The following PPP2R2C variants were observed in gnomAD, a reference collection of about 807,000 sequenced individuals.
PPP2R2C encodes the protein protein phosphatase 2 regulatory subunit Bgamma, also known as protein phosphatase 2, regulatory subunit B, gamma.
Under a neutral mutation model 45.3 loss-of-function variants are expected in PPP2R2C, and 10 were observed. The observed-to-expected ratio is 0.22, with a 90% confidence interval of 0.14 to 0.37. The LOEUF is 0.37. PPP2R2C is among the 10% of genes least tolerant of loss of function. PPP2R2C has a pLI of 1.00. For synonymous variants in PPP2R2C, 257 were observed against 245.4 expected (o/e 1.05, Z -0.44); for missense variants, 308 against 619.7 (o/e 0.50, Z 5.34).
chr4:6,552,369 C>A (rs1725212277), intron 1 of PPP2R2C, among the ~76,000 whole-genome samples: 1 of 152,166 alleles, frequency 6.6e-6, no homozygotes, highest in South Asian at 2.1e-4. Flanking sequence ...CTGGAGGCCC[C>A]AGGGGAGGAT....
chr4:6,344,318 C>G (rs978141569), intron 6 of PPP2R2C, among the ~76,000 whole-genome samples: 1 of 152,206 alleles, frequency 6.6e-6, no homozygotes, highest in East Asian at 1.9e-4. Context: ...TCATATTTCT[C>G]GCACTGTTGA....
intron 1 of PPP2R2C, among the ~76,000 whole-genome samples, chr4:6,387,319 T>A (rs1716279859): frequency 6.6e-6 from 1 of 152,102 alleles, no homozygotes; most frequent in Admixed American, 6.6e-5. Context: ...AACTGCAAAC[T>A]ACTGGAAACT....
chr4:6,398,557 G>C (rs1249577727), intron 1 of PPP2R2C, among the ~76,000 whole-genome samples: 1 of 152,156 alleles, frequency 6.6e-6, no homozygotes, highest in Non-Finnish European at 1.5e-5. Context: ...CGAGATACCA[G>C]TGTACACCCA....
chr4:6,338,202 T>A (rs1461534363), intron 6 of PPP2R2C, among the ~76,000 whole-genome samples: 1 of 152,160 alleles, frequency 6.6e-6, no homozygotes, highest in Non-Finnish European at 1.5e-5. Flanking sequence ...ATGGGCCCAG[T>A]CCCATCTCCA....
chr4:6,385,321 TTTATAGGTAAATGTC>T (rs1177695698), intron 1 of PPP2R2C, among the ~76,000 whole-genome samples: 1 of 152,212 alleles, frequency 6.6e-6, no homozygotes, highest in Non-Finnish European at 1.5e-5. Context: ...TCTACTCATT[TTTATAGGTAAATGTC>T]TTCAGGATTT....
chr4:6,385,259 T>A (rs1205077885), intron 1 of PPP2R2C, among the ~76,000 whole-genome samples: 1 of 152,184 alleles, frequency 6.6e-6, no homozygotes, highest in East Asian at 1.9e-4. Flanking sequence ...GATCCCCTCT[T>A]GCCTGAGCAC....
chr4:6,412,637 G>A (rs1274201852), intron 1 of PPP2R2C, among the ~76,000 whole-genome samples: 1 of 152,210 alleles, frequency 6.6e-6, no homozygotes, highest in Non-Finnish European at 1.5e-5. Flanking sequence ...CTTCTCTTAT[G>A]AATCCGGCAG....
intron 1 of PPP2R2C, among the ~76,000 whole-genome samples, chr4:6,420,375 G>A (rs990940253): frequency 3.3e-5 from 5 of 151,162 alleles, no homozygotes; most frequent in Admixed American, 6.6e-5. Flanking sequence ...CACCTGTCCC[G>A]TTCTATCAAC....
At chr4:6,381,160 A>G in intron 1 of PPP2R2C, 66 bp from the exon 2 acceptor site, 2 of 1,552,386 alleles carry the variant, frequency 1.3e-6, no homozygotes, top group South Asian at 1.2e-5. Context: ...GGTGCTCAAC[A>G]GTGCCACAGC....
intron 6 of PPP2R2C, among the ~76,000 whole-genome samples, chr4:6,334,255 T>C (rs1732654942): frequency 6.6e-6 from 1 of 152,142 alleles, no homozygotes; most frequent in South Asian, 2.1e-4. Context: ...TGGGTTTTGT[T>C]TCATTGCCAT....
chr4:6,460,768 A>G (rs1377922421), intron 1 of PPP2R2C, among the ~76,000 whole-genome samples: 4 of 152,132 alleles, frequency 2.6e-5, no homozygotes, highest in Non-Finnish European at 5.9e-5. Context: ...CTATGACTAC[A>G]TATGTTTTTT....
rs762909236 is a variant in PPP2R2C at position 6,381,008 on chromosome 4, G to T, written c.157C>A (p.Arg53=). Reference sequence around the variant, plus strand: ...CCAGGGCTTCGCACCTCTGGTTCCCGCTGGAAGATGACGACCCGGCCGCCC... The same window carrying T: ...CCAGGGCTTCGCACCTCTGGTTCCCTCTGGAAGATGACGACCCGGCCGCCC... The part of the protein sequence containing the change: ...DKGGRVVIFQ[R]EPESKNAPHS... The change falls in exon 2 of 9, where the codon CGG becomes AGG. Residue 53 remains arginine, a synonymous_variant. Coordinates refer to ENST00000382599, the MANE Select transcript of PPP2R2C (RefSeq NM_020416.4). 3 of 1,491,082 alleles carry T rather than the reference G, an allele frequency of 2.0e-6. No homozygotes were observed. Among genetic ancestry groups the T allele is most frequent in the South Asian group, 1.3e-5 (1 of 74,750 alleles). 92.4% of individuals were successfully genotyped at this position (1,491,082 alleles called of 1,614,324 possible).
intron 1 of PPP2R2C, among the ~76,000 whole-genome samples, chr4:6,557,062 A>C (rs1024787736): frequency 1.1e-4 from 16 of 152,190 alleles, no homozygotes; most frequent in African/African-American, 3.6e-4. Context: ...AAGGGGTACA[A>C]GCCTCCTTAG....
At chr4:6,459,764 C>G (rs4689453) in intron 1 of PPP2R2C, among the ~76,000 whole-genome samples, 113,806 of 151,978 alleles carry the variant, frequency 0.75, 43,073 homozygotes, top group African/African-American at 0.85. Flanking sequence ...TCCAGCCTGA[C>G]CAACAGAGCA....
rs539617231 is a variant in PPP2R2C at position 6,541,894 on chromosome 4, C to G, written c.-58-6517G>C. ...GAACCAAGTGGAATCCCTGAGAAGG[C>G]AGGAAATTGCTGACTGAGCTACTGA... On this transcript the variant is annotated intron_variant, in intron 1 of 9. Transcript: ENST00000506140. 5.4e-4 allele frequency among the ~76,000 whole-genome samples: 83 copies of G among 152,332 alleles called. 1 individual carries two copies. The South Asian group carries it at 0.016, about 30-fold the overall frequency.
chr4:6,374,772 C>T (rs1224484753), intron 4 of PPP2R2C, among the ~76,000 whole-genome samples: 2 of 152,148 alleles, frequency 1.3e-5, no homozygotes, highest in Non-Finnish European at 2.9e-5. Context: ...ACCTCTAGGG[C>T]CCCAAGGGCT....
intron 2 of PPP2R2C, among the ~76,000 whole-genome samples, chr4:6,486,146 T>C (rs1419596114): frequency 6.6e-6 from 1 of 152,042 alleles, no homozygotes; most frequent in African/African-American, 2.4e-5. Context: ...ACATGGGTTA[T>C]ATAAAAGTGT....
intron 1 of PPP2R2C, among the ~76,000 whole-genome samples, chr4:6,461,751 C>T (rs1434003674): frequency 6.6e-6 from 1 of 152,250 alleles, no homozygotes; most frequent in Non-Finnish European, 1.5e-5. Context: ...AGCATCCAGA[C>T]TTCCCAAGAG....
In PPP2R2C at chr4:6,518,922, TA is replaced by T. The variant is rs56002128; in HGVS notation, c.49+16348del. ...TGGGCAACAGAGCAAGACTCTGTCTTAAAAAAAAAAAAAAAAAAAAAAAAAA... is the reference window on the plus strand; with the variant it reads ...TGGGCAACAGAGCAAGACTCTGTCTTAAAAAAAAAAAAAAAAAAAAAAAAA... On this transcript the variant is annotated intron_variant, in intron 2 of 9. Coordinates refer to the PPP2R2C transcript ENST00000506140. Among the ~76,000 whole-genome samples the T allele has an allele frequency of 4.0e-3, 373 of 92,456 alleles. 1 individual carries two copies. The highest frequency in any genetic ancestry group is 0.014 in the African/African-American group (226 of 15,972). The allele number at this position is 92,456 out of a possible 152,430, so 60.7% of individuals were successfully genotyped here.
Sources: gnomAD v4.1 joint callset for allele counts (sites outside exome capture counted in the v4.1 genomes callset) on GRCh38, gnomAD v4.1.1 for gene constraint, MANE v1.5 for transcripts, NCBI Gene and HGNC (gene_info 2026-07-23, HGNC 2026-07-21) for gene names.